CMYA5: variants seen among roughly 807,000 people sequenced by gnomAD.
CMYA5 encodes cardiomyopathy-associated protein 5.
CMYA5 carries 246 observed loss-of-function variants against 318.9 expected under a neutral mutation model. That is an observed-to-expected ratio of 0.77 (90% CI 0.70 to 0.86). CMYA5 has a LOEUF of 0.86. Among genes scored for constraint, CMYA5 ranks in the 40% least tolerant of loss-of-function variants. CMYA5 has a pLI of 0.00. For synonymous variants in CMYA5, 1,641 were observed against 1,729.5 expected (o/e 0.95, Z 1.27); for missense variants, 4,589 against 4,678.2 (o/e 0.98, Z 0.56).
At chr5:79,696,745 C>T (rs1827074080) in intron 1 of CMYA5, among the ~76,000 whole-genome samples, 1 of 152,162 alleles carries the variant, frequency 6.6e-6, no homozygotes, top group African/African-American at 2.4e-5. Flanking sequence ...GTGGCTCATG[C>T]CTATAATCCC....
Position 79,735,869 on chromosome 5 carries a change from T to C in CMYA5, c.7104T>C (p.Ser2368=), listed in dbSNP as rs915247706. 2.5e-6 allele frequency: 4 copies of C among 1,575,574 alleles called. No individual in the cohort carries two copies. In the Admixed American group the frequency reaches 6.0e-5, roughly 24 times the overall value. The change falls in exon 2 of 13, where the codon AGT becomes AGC. Residue 2368 remains serine, a synonymous_variant. Coordinates refer to ENST00000446378, the MANE Select transcript of CMYA5 (RefSeq NM_153610.5). ...CTATTTTTAAGGAAGAGCCAAGAAG[T>C]GATCAAAAACAAAAATCACTCCTTT... The part of the protein sequence containing the change: ...NISIFKEEPR[S]DQKQKSLLSF...
At chr5:79,777,556 G>A (rs1828960769) in intron 9 of CMYA5, among the ~76,000 whole-genome samples, 1 of 152,090 alleles carries the variant, frequency 6.6e-6, no homozygotes, top group South Asian at 2.1e-4. Context: ...TGGATTGCCT[G>A]AGATCAGGAG....
chr5:79,700,725 T>C (rs1470189629), intron 1 of CMYA5, among the ~76,000 whole-genome samples: 2 of 152,168 alleles, frequency 1.3e-5, no homozygotes, highest in Middle Eastern at 3.2e-3. Context: ...ATTATTCGGC[T>C]ATAAAAAGCA....
chr5:79,751,146 C>T (rs1166688726), intron 5 of CMYA5, among the ~76,000 whole-genome samples: 1 of 152,158 alleles, frequency 6.6e-6, no homozygotes, highest in Non-Finnish European at 1.5e-5. Context: ...CCAAGACAGT[C>T]ATCTAAATTT....
In CMYA5 at chr5:79,737,945, T is replaced by C. The variant is rs1460138624; in HGVS notation, c.9180T>C (p.Asp3060=). Reference sequence around the variant, plus strand: ...ATTTTGAAAAATATACTTTGATTGATTATAACATCTCCCCAGACCCAGAAA... The same window carrying C: ...ATTTTGAAAAATATACTTTGATTGACTATAACATCTCCCCAGACCCAGAAA... ...EDYFEKYTLI[D]YNISPDPEKQ... is the part of the protein sequence containing the mutation. Residue 3060 remains aspartate, a synonymous_variant, in exon 2 of 13, where the codon GAT becomes GAC. Transcript: ENST00000446378. 6.2e-7 allele frequency: 1 copy of C among 1,610,588 alleles called. No individual in the cohort carries two copies. The highest frequency in any genetic ancestry group is 1.7e-5 in the Admixed American group (1 of 59,200).
In CMYA5 at chr5:79,710,300, G is replaced by A. The variant is rs78464341; in HGVS notation, c.150-18615G>A. ...TAGGTTATTATTACGATTTTTAGAT[G>A]AATTAATAAAAATTTTAAAAGTTCT... On this transcript the variant is annotated intron_variant, in intron 1 of 12. Transcript: ENST00000446378. 9.2e-5 allele frequency among the ~76,000 whole-genome samples: 14 copies of A among 152,160 alleles called. No homozygotes were observed. In the East Asian group the frequency reaches 2.5e-3, roughly 27 times the overall value.
intron 1 of CMYA5, among the ~76,000 whole-genome samples, chr5:79,706,814 C>T (rs1827283470): frequency 6.6e-6 from 1 of 152,150 alleles, no homozygotes; most frequent in Non-Finnish European, 1.5e-5. Context: ...TTTGTATTTA[C>T]AATAATCAGG....
intron 1 of CMYA5, among the ~76,000 whole-genome samples, chr5:79,728,173 CTT>C (rs938328630): frequency 1.5e-4 from 23 of 152,154 alleles, no homozygotes; most frequent in Non-Finnish European, 2.6e-4. Context: ...CCTGTTTTCT[CTT>C]TATCATGACT....
chr5:79,703,032 C>A (rs1827202699), intron 1 of CMYA5, among the ~76,000 whole-genome samples: 1 of 152,184 alleles, frequency 6.6e-6, no homozygotes. Flanking sequence ...TCCCCAGGCC[C>A]CCCAAGGTGG....
At chr5:79,742,864 G>A (rs1031535625) in intron 2 of CMYA5, among the ~76,000 whole-genome samples, 2 of 152,186 alleles carry the variant, frequency 1.3e-5, no homozygotes, top group Admixed American at 1.3e-4. Flanking sequence ...AAACGGTGGG[G>A]TAGGAAGGGG....
rs1829126185 is a variant in CMYA5 at position 79,788,961 on chromosome 5, T to C, written c.11556-10T>C. 2 of 1,612,082 alleles carry C rather than the reference T, an allele frequency of 1.2e-6. No homozygotes were observed. Among genetic ancestry groups the C allele is most frequent in the Non-Finnish European group, 1.7e-6 (2 of 1,178,846 alleles). On this transcript the variant is annotated splice_polypyrimidine_tract_variant and intron_variant, in intron 9 of 12. Coordinates refer to ENST00000446378, the MANE Select transcript of CMYA5 (RefSeq NM_153610.5). ...TATGTTTAAAATTATTATTTTCCTC[T>C]TGTATTTAGATCTTTCTCTGGAATC...
intron 12 of CMYA5, among the ~76,000 whole-genome samples, chr5:79,795,564 C>T (rs957508890): frequency 2.6e-5 from 4 of 152,182 alleles, no homozygotes; most frequent in Non-Finnish European, 4.4e-5. Flanking sequence ...TCTACCCACT[C>T]GCAACTGGGA....
chr5:79,730,894 C>G lies in CMYA5; in HGVS notation c.2129C>G (p.Ser710Ter), dbSNP rs767253819. The stretch of plus-strand genomic sequence containing the variant: ...GTTCCATCACTGGCAACAAAAGAGT[C>G]ACTGAAGAAAACAATTGACCGTAAG... ...YSVPSLATKESLKKTIDRKSP... is the reference protein window; with the variant it reads ...YSVPSLATKE The change falls in exon 2 of 13, where the codon TCA becomes TGA. Residue 710 changes from serine (S) to a stop codon, truncating the protein, a stop_gained. Coordinates refer to ENST00000446378, the MANE Select transcript of CMYA5 (RefSeq NM_153610.5). LOFTEE classifies it high-confidence loss of function. 10 of 1,613,810 alleles carry G rather than the reference C, an allele frequency of 6.2e-6. No individual in the cohort carries two copies. In the South Asian group the frequency reaches 1.1e-4, roughly 18 times the overall value.
At chr5:79,767,049 C>T (rs1035108149) in intron 9 of CMYA5, among the ~76,000 whole-genome samples, 2 of 152,086 alleles carry the variant, frequency 1.3e-5, no homozygotes, top group African/African-American at 4.8e-5. Flanking sequence ...TGTATGTGTC[C>T]AGGAATTTAT....
chr5:79,732,631 C>G lies in CMYA5; in HGVS notation c.3866C>G (p.Ser1289Cys), dbSNP rs754391255. The G allele has an allele frequency of 1.9e-6, 3 of 1,613,410 alleles. No individual in the cohort carries two copies. In the South Asian group the frequency reaches 3.3e-5, roughly 18 times the overall value. ...IKPYSPLKETSLSGPEALSAV... is the reference protein window; with the variant it reads ...IKPYSPLKETCLSGPEALSAV... Reference sequence around the variant, plus strand: ...CCATATTCACCTCTAAAGGAAACATCTTTATCTGGACCTGAGGCTTTATCA... The same window carrying G: ...CCATATTCACCTCTAAAGGAAACATGTTTATCTGGACCTGAGGCTTTATCA... Residue 1289 changes from serine (S) to cysteine (C), a missense_variant, in exon 2 of 13, where the codon TCT becomes TGT. Physicochemically the swap from Ser to Cys is moderately radical, Grantham distance 112. This residue lies in a region of CMYA5 where 2,132 missense variants were observed against 2,131.3 expected (regional missense o/e 1.00). Coordinates refer to ENST00000446378, the MANE Select transcript of CMYA5 (RefSeq NM_153610.5).
rs775173589 is a variant in CMYA5, at chr5:79,734,786, G to C, written c.6021G>C (p.Gly2007=). The change falls in exon 2 of 13, where the codon GGG becomes GGC. Residue 2007 remains glycine, a synonymous_variant. Transcript: ENST00000446378. ...AGNVERNIAE[G]KEIHSLMESE... ...ATGTAGAGAGAAACATAGCAGAGGGGAAGGAGATTCATTCTTTGATGGAGA... is the reference window on the plus strand; with the variant it reads ...ATGTAGAGAGAAACATAGCAGAGGGCAAGGAGATTCATTCTTTGATGGAGA... 2 of 1,613,756 alleles carry C rather than the reference G, an allele frequency of 1.2e-6. No individual in the cohort carries two copies. The highest frequency in any genetic ancestry group is 2.2e-5 in the South Asian group (2 of 91,072).
chr5:79,774,664 T>G (rs1023857091), intron 9 of CMYA5, among the ~76,000 whole-genome samples: 2 of 152,162 alleles, frequency 1.3e-5, no homozygotes, highest in Non-Finnish European at 2.9e-5. Flanking sequence ...GGGGCCATCC[T>G]CCAGGGCAAG....
At chr5:79,723,213 G>A (rs1827675943) in intron 1 of CMYA5, among the ~76,000 whole-genome samples, 1 of 152,002 alleles carries the variant, frequency 6.6e-6, no homozygotes, top group African/African-American at 2.4e-5. Flanking sequence ...GGCCGAGGTG[G>A]GTGCATCATG....
chr5:79,778,790 C>G (rs1031540061), intron 9 of CMYA5, among the ~76,000 whole-genome samples: 12 of 96,732 alleles, frequency 1.2e-4, no homozygotes, highest in Non-Finnish European at 2.3e-4. Context: ...GCCCCCATGC[C>G]GCCTGCCCCC....
Sources: allele counts gnomAD v4.1 joint callset (sites outside exome capture counted in the v4.1 genomes callset), GRCh38; gene constraint gnomAD v4.1.1; regional missense constraint gnomAD v4.1.1; transcripts MANE v1.5; gene names NCBI Gene and HGNC (gene_info 2026-07-23, HGNC 2026-07-21).